The following CLSTN2 variants were observed in gnomAD, a reference collection of about 807,000 sequenced individuals.
The protein encoded by CLSTN2 is calsyntenin-2.
In CLSTN2, 48 loss-of-function variants were observed where a neutral mutation model predicts 101.2. The ratio of observed to expected loss-of-function variants is 0.47; its 90% confidence interval spans 0.38 to 0.60. CLSTN2 has a LOEUF of 0.60. CLSTN2 is among the 20% of genes least tolerant of loss of function. The pLI, the probability that CLSTN2 is intolerant of heterozygous loss-of-function variation, is 0.00. For synonymous variants in CLSTN2, 481 were observed against 463.6 expected, an observed-to-expected ratio of 1.04 and a Z score of -0.48; for missense variants, 1,160 against 1,238.2, an observed-to-expected ratio of 0.94 and a Z score of 0.95.
At chr3:140,177,020 C>T (rs2010335805) in intron 2 of CLSTN2, among the ~76,000 whole-genome samples, 1 of 152,080 alleles carries the variant, frequency 6.6e-6, no homozygotes, top group Admixed American at 6.6e-5. Context: ...TTTGTGAAGA[C>T]ATCTTTCATT....
intron 1 of CLSTN2, among the ~76,000 whole-genome samples, chr3:139,968,829 T>G (rs1935647045): frequency 6.6e-6 from 1 of 152,218 alleles, no homozygotes; most frequent in Non-Finnish European, 1.5e-5. Flanking sequence ...GAAAAGTTAT[T>G]GACATTTTAA....
intron 1 of CLSTN2, among the ~76,000 whole-genome samples, chr3:140,033,923 T>C (rs1363650541): frequency 1.3e-5 from 2 of 152,150 alleles, no homozygotes; most frequent in Non-Finnish European, 2.9e-5. Context: ...AGCTTTACCT[T>C]AATATGCGGG....
At chr3:140,189,235 T>G (rs2010525551) in intron 2 of CLSTN2, among the ~76,000 whole-genome samples, 1 of 152,246 alleles carries the variant, frequency 6.6e-6, no homozygotes, top group South Asian at 2.1e-4. Context: ...AGTTTTTGTG[T>G]GAACATAAGT....
chr3:140,403,078 C>T (rs1225273720), intron 2 of CLSTN2, among the ~76,000 whole-genome samples: 1 of 152,114 alleles, frequency 6.6e-6, no homozygotes, highest in Non-Finnish European at 1.5e-5. Flanking sequence ...AATTTTAATG[C>T]ATAGAAATAG....
chr3:140,097,939 A>G (rs1224304221), intron 1 of CLSTN2, among the ~76,000 whole-genome samples: 2 of 152,170 alleles, frequency 1.3e-5, no homozygotes, highest in African/African-American at 4.8e-5. Context: ...ATTTCCTGCT[A>G]TTCGTCCCAG....
At chr3:140,501,288 C>G (rs1400009221) in intron 8 of CLSTN2, among the ~76,000 whole-genome samples, 1 of 152,214 alleles carries the variant, frequency 6.6e-6, no homozygotes, top group Non-Finnish European at 1.5e-5. Context: ...AAAAGCAGCC[C>G]TGGTCACTCT....
intron 2 of CLSTN2, among the ~76,000 whole-genome samples, chr3:140,270,626 G>C (rs1406802198): frequency 6.6e-6 from 1 of 152,164 alleles, no homozygotes; most frequent in African/African-American, 2.4e-5. Flanking sequence ...AGGAGGATGG[G>C]GGAAGAGGGC....
At chr3:140,207,442 A>ACTC (rs2010798047) in intron 2 of CLSTN2, among the ~76,000 whole-genome samples, 1 of 152,174 alleles carries the variant, frequency 6.6e-6, no homozygotes, top group African/African-American at 2.4e-5. Context: ...TTCAGGCTAC[A>ACTC]CTCAACTTAC....
At position 140,130,155 on chromosome 3, in the gene CLSTN2, C is replaced by T. The variant is rs1446554634; in HGVS notation, c.110-45796C>T. Among the ~76,000 whole-genome samples the T allele has an allele frequency of 2.6e-5, 4 of 152,140 alleles. No individual in the cohort carries two copies. The East Asian group carries it at 7.7e-4, about 29-fold the overall frequency. On this transcript the variant is annotated intron_variant, in intron 1 of 16. Coordinates refer to ENST00000458420, the MANE Select transcript of CLSTN2 (RefSeq NM_022131.3). Reference sequence around the variant, plus strand: ...AGGAGGGCTGGGGGCAGAGTGGGAGCTTCATGGTCCTAGAGATCCGGTGAG... The same window carrying T: ...AGGAGGGCTGGGGGCAGAGTGGGAGTTTCATGGTCCTAGAGATCCGGTGAG...
At chr3:140,214,273 C>G (rs2010894690) in intron 2 of CLSTN2, among the ~76,000 whole-genome samples, 2 of 152,026 alleles carry the variant, frequency 1.3e-5, no homozygotes, top group Admixed American at 1.3e-4. Context: ...AACCCCATCT[C>G]TACTGAAAAT....
intron 2 of CLSTN2, among the ~76,000 whole-genome samples, chr3:140,324,363 A>T (rs2087312466): frequency 6.6e-6 from 1 of 152,228 alleles, no homozygotes; most frequent in Admixed American, 6.5e-5. Context: ...ATTAAAAATA[A>T]TTTTTAAGTG....
In CLSTN2 at chr3:140,130,920, C is replaced by T. The variant is rs186188091; in HGVS notation, c.110-45031C>T. Among the ~76,000 whole-genome samples the T allele has an allele frequency of 2.6e-5, 4 of 152,228 alleles. No individual in the cohort carries two copies. In the East Asian group the frequency reaches 7.7e-4, roughly 29 times the overall value. On this transcript the variant is annotated intron_variant, in intron 1 of 16. Transcript: ENST00000458420. ...ACCCTTTACACCATAGTTTCCTGTTCCTGAGCTCTTAATTTTGCTTCTCTT... is the reference window on the plus strand; with the variant it reads ...ACCCTTTACACCATAGTTTCCTGTTTCTGAGCTCTTAATTTTGCTTCTCTT...
chr3:139,974,928 A>G (rs1418163151), intron 1 of CLSTN2, among the ~76,000 whole-genome samples: 1 of 152,094 alleles, frequency 6.6e-6, no homozygotes, highest in Non-Finnish European at 1.5e-5. Context: ...GTGGGATGGT[A>G]GTGGTGTGGC....
At chr3:140,540,976 C>T (rs1935463023) in intron 9 of CLSTN2, among the ~76,000 whole-genome samples, 1 of 152,196 alleles carries the variant, frequency 6.6e-6, no homozygotes, top group Admixed American at 6.5e-5. Context: ...TTAAGACAAC[C>T]ATGTATTCCA....
intron 2 of CLSTN2, among the ~76,000 whole-genome samples, chr3:140,356,327 A>T (rs2107946213): frequency 6.6e-6 from 1 of 152,352 alleles, no homozygotes; most frequent in East Asian, 1.9e-4. Context: ...TAGATTCACA[A>T]AGCAGTCTGC....
intron 2 of CLSTN2, among the ~76,000 whole-genome samples, chr3:140,289,201 C>T (rs145814392): frequency 3.3e-5 from 5 of 152,164 alleles, no homozygotes; most frequent in African/African-American, 4.8e-5. Context: ...TGTGTTATTA[C>T]ACCTATTATA....
chr3:140,062,699 C>T (rs1380511633), intron 1 of CLSTN2, among the ~76,000 whole-genome samples: 3 of 152,148 alleles, frequency 2.0e-5, no homozygotes, highest in Non-Finnish European at 1.5e-5. Context: ...CTGTGTTTCC[C>T]CACTTTTTGT....
At chr3:140,260,135 AATAT>A (rs35851668) in intron 2 of CLSTN2, among the ~76,000 whole-genome samples, 8,795 of 141,066 alleles carry the variant, frequency 0.062, 600 homozygotes, top group African/African-American at 0.18. Context: ...GTGAAAAAGA[AATAT>A]ATATATATAT....
At chr3:140,109,671 TA>T (rs1253164566) in intron 1 of CLSTN2, among the ~76,000 whole-genome samples, 1 of 152,160 alleles carries the variant, frequency 6.6e-6, no homozygotes, top group East Asian at 1.9e-4. Context: ...GGAGAATTCT[TA>T]GGGAACTAAG....
Sources: allele counts gnomAD v4.1 joint callset (sites outside exome capture counted in the v4.1 genomes callset), GRCh38; gene constraint gnomAD v4.1.1; transcripts MANE v1.5; gene names NCBI Gene and HGNC (gene_info 2026-07-23, HGNC 2026-07-21).